Variants in PSD2 observed in about 807,000 individuals in gnomAD.
The protein encoded by PSD2 is pleckstrin and Sec7 domain containing 2, also known as PH and SEC7 domain-containing protein 2.
Under a neutral mutation model 69.8 loss-of-function variants are expected in PSD2, and 38 were observed. The ratio of observed to expected loss-of-function variants is 0.54; its 90% CI spans 0.42 to 0.71. The LOEUF (loss-of-function observed/expected upper bound fraction) is 0.71. PSD2 is among the 30% of genes least tolerant of loss of function. The pLI, the probability that PSD2 is intolerant of heterozygous loss-of-function variation, is 0.00. For missense variants in PSD2, 943 were observed against 1,014.5 expected (o/e 0.93, Z 0.96); for synonymous variants, 412 against 423.0 (o/e 0.97, Z 0.32).
At chr5:139,766,828 C>CTTCTCTTTCTTTCTTTCT in the PSD2 span, among the ~76,000 whole-genome samples, 3 of 87,736 alleles carry the variant, frequency 3.4e-5, no homozygotes, top group African/African-American at 1.1e-4. Context: ...AAGTCCCTTC[C>CTTCTCTTTCTTTCTTTCT]TTCTTTCTTT....
At chr5:139,783,406 G>A in the PSD2 span, among the ~76,000 whole-genome samples, 1 of 152,184 alleles carries the variant, frequency 6.6e-6, no homozygotes, top group Non-Finnish European at 1.5e-5. Flanking sequence ...TGCACCACTG[G>A]ACTCCAGCCT....
Position 139,817,575 on chromosome 5 carries a change from G to T in PSD2, c.1097+14G>T, listed in dbSNP as rs780792648. The T allele has an allele frequency of 1.2e-6, 2 of 1,607,686 alleles. No individual in the cohort carries two copies. The highest frequency in any genetic ancestry group is 3.3e-5 in the Admixed American group (2 of 59,954). ...CGGAGCACTCAGGTCAGTGGGGCTG[G>T]GACAGGCAGTGCCCACAAGTGGTAC... is the stretch of plus-strand genomic sequence containing the variant. On this transcript the variant is annotated intron_variant, in intron 5 of 14. Coordinates refer to ENST00000274710, the MANE Select transcript of PSD2 (RefSeq NM_032289.4).
rs1207692812 is a variant in PSD2 at position 139,842,614 on chromosome 5, G to A, written c.*140G>A. 1 of 703,304 alleles carries A rather than the reference G, an allele frequency of 1.4e-6. No homozygotes were observed. Among genetic ancestry groups the A allele is most frequent in the African/African-American group, 1.8e-5 (1 of 56,488 alleles). The allele number at this position is 703,304 out of a possible 1,614,324, so 43.6% of individuals were successfully genotyped here. ...GGGGTGCAGAAAGCCTGTGGGCCCA[G>A]GAGATGGAGATGCCGTTTGTGGCGT... is the stretch of plus-strand genomic sequence containing the variant. On this transcript the variant is annotated 3_prime_UTR_variant, in exon 15 of 15. Transcript: ENST00000274710.
Position 139,838,830 on chromosome 5 carries a change from C to A in PSD2, c.1968+58C>A, listed in dbSNP as rs116701619. The A allele has an allele frequency of 7.0e-3, 11,003 of 1,567,698 alleles. 62 individuals are homozygous for A. The highest frequency in any genetic ancestry group is 8.2e-3 in the Non-Finnish European group (9,434 of 1,147,916). On this transcript the variant is annotated intron_variant, in intron 13 of 14. Transcript: ENST00000274710. The stretch of plus-strand genomic sequence containing the variant: ...CAGGCTGCCATCCTCAGCCCAGGCC[C>A]CCATCCAGCAGCCCCACCCCAGCTC...
In PSD2 at chr5:139,837,616, C is replaced by G; in HGVS notation, c.1666-9C>G. 6.3e-7 allele frequency: 1 copy of G among 1,590,290 alleles called. No homozygotes were observed. The highest frequency in any genetic ancestry group is 8.6e-7 in the Non-Finnish European group (1 of 1,162,384). On this transcript the variant is annotated splice_polypyrimidine_tract_variant and intron_variant, in intron 11 of 14. Coordinates refer to ENST00000274710, the MANE Select transcript of PSD2 (RefSeq NM_032289.4). The surrounding 1 kb of genome is among the most constrained non-coding windows in gnomAD (Gnocchi z 5.0). ...AGTGACCCTAGCTCGCCCATCCTGCCCCACCCAGGATGAGTACAGGCCTGA... is the reference window on the plus strand; with the variant it reads ...AGTGACCCTAGCTCGCCCATCCTGCGCCACCCAGGATGAGTACAGGCCTGA...
At chr5:139,826,241 G>C (rs1264067194) in intron 7 of PSD2, among the ~76,000 whole-genome samples, 2 of 152,198 alleles carry the variant, frequency 1.3e-5, no homozygotes, top group Non-Finnish European at 2.9e-5. Context: ...AGGGTGTGGT[G>C]GCCATAGACA....
upstream of PSD2, among the ~76,000 whole-genome samples, chr5:139,792,732 C>CTCTT (rs374350743): frequency 6.6e-6 from 1 of 151,870 alleles, no homozygotes; most frequent in Non-Finnish European, 1.5e-5. Flanking sequence ...TTTTCTTTCT[C>CTCTT]TCTTTCTTTT....
the PSD2 span, among the ~76,000 whole-genome samples, chr5:139,787,576 T>G: frequency 1.3e-5 from 2 of 152,244 alleles, no homozygotes; most frequent in Non-Finnish European, 2.9e-5. Context: ...TGGTGTTCTC[T>G]CCCAGCTAAG....
upstream of PSD2, among the ~76,000 whole-genome samples, chr5:139,792,566 G>A (rs922360915): frequency 2.6e-5 from 4 of 152,128 alleles, no homozygotes; most frequent in African/African-American, 7.2e-5. Flanking sequence ...CTCAGGTGAG[G>A]AGGCGGGGTG....
chr5:139,821,315 G>A (rs1760254342), intron 5 of PSD2, among the ~76,000 whole-genome samples: 1 of 152,218 alleles, frequency 6.6e-6, no homozygotes, highest in Non-Finnish European at 1.5e-5. Flanking sequence ...GAGGAGGATT[G>A]GGTGCAGGGG....
At chr5:139,822,636 G>A (rs930386105) in intron 6 of PSD2, 90 bp from the exon 7 acceptor site, 4 of 1,215,940 alleles carry the variant, frequency 3.3e-6, no homozygotes, top group Non-Finnish European at 4.6e-6. Flanking sequence ...CTCCCTCTGT[G>A]TCCAAGGTCT....
chr5:139,795,030 G>A (rs754230049), upstream of PSD2, among the ~76,000 whole-genome samples: 8 of 152,126 alleles, frequency 5.3e-5, no homozygotes, highest in Non-Finnish European at 8.8e-5. The surrounding 1 kb of genome is among the most constrained non-coding windows in gnomAD (Gnocchi z 4.5). Context: ...GGCACCCTCT[G>A]TCTCTCTCTG....
At chr5:139,789,685 A>C in the PSD2 span, among the ~76,000 whole-genome samples, 1 of 152,194 alleles carries the variant, frequency 6.6e-6, no homozygotes. Flanking sequence ...GGTGCCAGGC[A>C]CTGTTCCAGC....
chr5:139,801,657 G>T (rs1316775005), intron 1 of PSD2, among the ~76,000 whole-genome samples: 1 of 151,940 alleles, frequency 6.6e-6, no homozygotes, highest in Non-Finnish European at 1.5e-5. Context: ...CCTATGTACT[G>T]CCAGCCCCCA....
At chr5:139,774,315 G>A in the PSD2 span, among the ~76,000 whole-genome samples, 1 of 152,158 alleles carries the variant, frequency 6.6e-6, no homozygotes, top group African/African-American at 2.4e-5. Flanking sequence ...GGGATAAGGA[G>A]TGGAGGTTCA....
the PSD2 span, among the ~76,000 whole-genome samples, chr5:139,756,253 C>T: frequency 1.3e-5 from 2 of 152,256 alleles, no homozygotes; most frequent in African/African-American, 4.8e-5. Context: ...TCTGCCGCGC[C>T]TCCCGCCATT....
At chr5:139,827,996 G>A (rs191161044) in intron 7 of PSD2, among the ~76,000 whole-genome samples, 1 of 152,166 alleles carries the variant, frequency 6.6e-6, no homozygotes, top group Admixed American at 6.5e-5. Flanking sequence ...CAGGAGATGG[G>A]GGTCAGGAGT....
intron 5 of PSD2, among the ~76,000 whole-genome samples, chr5:139,820,187 G>A (rs1422779): frequency 6.6e-6 from 1 of 151,970 alleles, no homozygotes; most frequent in Admixed American, 6.5e-5. Context: ...GTGGCGGCAC[G>A]GGGTTGCGGC....
chr5:139,788,402 G>A, the PSD2 span, among the ~76,000 whole-genome samples: 1 of 152,170 alleles, frequency 6.6e-6, no homozygotes, highest in African/African-American at 2.4e-5. Flanking sequence ...CCCTAACCGC[G>A]CCGCGCGCCC....
Sources: gnomAD v4.1 joint callset for allele counts (sites outside exome capture counted in the v4.1 genomes callset) on GRCh38, gnomAD v4.1.1 for gene constraint, Gnocchi (gnomAD v3.1) non-coding constraint, MANE v1.5 for transcripts, NCBI Gene and HGNC (gene_info 2026-07-23, HGNC 2026-07-21) for gene names.